AKAP13: variants seen among roughly 807,000 people sequenced by gnomAD.
AKAP13 encodes A-kinase anchoring protein 13.
AKAP13 carries 80 observed loss-of-function variants against 264.5 expected under a neutral mutation model. The observed-to-expected ratio is 0.30, with a 90% CI of 0.25 to 0.36. AKAP13 has a LOEUF of 0.36. Ranked by LOEUF, AKAP13 falls within the 10% of genes least tolerant of loss-of-function variation. The pLI is 1.00. For missense variants in AKAP13, 3,712 were observed against 3,435.2 expected (o/e 1.08, Z -2.01); for synonymous variants, 1,380 against 1,250.2 (o/e 1.10, Z -2.19).
At chr15:85,694,620 G>A (rs2085468167) in intron 17 of AKAP13, among the ~76,000 whole-genome samples, 1 of 152,200 alleles carries the variant, frequency 6.6e-6, no homozygotes, top group Non-Finnish European at 1.5e-5. Flanking sequence ...ACCATAATTT[G>A]CACGTTTTTG....
chr15:85,403,662 G>A (rs2071529053), intron 1 of AKAP13, among the ~76,000 whole-genome samples: 1 of 151,986 alleles, frequency 6.6e-6, no homozygotes, highest in Non-Finnish European at 1.5e-5. Flanking sequence ...TCAACATAGT[G>A]AAACCTTGTC....
intron 5 of AKAP13, chr15:85,555,532 T>A (rs562790214): frequency 1.7e-6 from 2 of 1,188,118 alleles, no homozygotes; most frequent in South Asian, 2.5e-5. Flanking sequence ...TTAATCTTCA[T>A]TGTTTATTCT....
At chr15:85,529,562 AATT>A (rs1272872017) in intron 3 of AKAP13, among the ~76,000 whole-genome samples, 1 of 152,186 alleles carries the variant, frequency 6.6e-6, no homozygotes. Flanking sequence ...CGCGGTGTAA[AATT>A]ATTGAGTCTG....
chr15:85,626,749 T>C (rs1301605916), intron 8 of AKAP13, among the ~76,000 whole-genome samples: 2 of 152,218 alleles, frequency 1.3e-5, no homozygotes, highest in Admixed American at 1.3e-4. Context: ...GTTCTTTGCA[T>C]GTATACCCAG....
chr15:85,626,445 T>C (rs1019546564), intron 8 of AKAP13, among the ~76,000 whole-genome samples: 1 of 128,602 alleles, frequency 7.8e-6, no homozygotes, highest in African/African-American at 2.9e-5. Flanking sequence ...TACCGTTCTA[T>C]TTTCTGTCTC....
chr15:85,624,376 C>G (rs1230744399), intron 8 of AKAP13: 2 of 152,154 alleles, frequency 1.3e-5, no homozygotes, highest in Admixed American at 6.5e-5. Context: ...GCAGGCCACA[C>G]GAGCTCATTG....
At position 85,691,787 on chromosome 15, in the gene AKAP13, A is replaced by C. The variant is rs117558723; in HGVS notation, c.5290-1490A>C. On this transcript the variant is annotated intron_variant, in intron 16 of 36. Transcript: ENST00000394518. ...CAGTGGCTGGGCACACAGGAAGCAC[A>C]AGATGAGTATCAGTTTCTGTTGCCA... 7.8e-3 allele frequency: 3,654 copies of C among 467,028 alleles called. 56 individuals are homozygous for C. Among genetic ancestry groups the C allele is most frequent in the Admixed American group, 0.035 (1,543 of 43,514 alleles). The allele number at this position is 467,028 out of a possible 1,614,324, so 28.9% of individuals were successfully genotyped here. A position where few individuals can be genotyped will look rare whatever the true frequency, so the allele number is the denominator to read the frequency against.
chr15:85,641,275 A>G (rs141122807), intron 9 of AKAP13, among the ~76,000 whole-genome samples: 2,548 of 151,480 alleles, frequency 0.017, 72 homozygotes, highest in African/African-American at 0.058. Context: ...TGAAACTCCC[A>G]TCTCTACTAA....
At chr15:85,454,580 G>A (rs1380409465) in intron 1 of AKAP13, among the ~76,000 whole-genome samples, 9 of 152,006 alleles carry the variant, frequency 5.9e-5, no homozygotes, top group Non-Finnish European at 1.0e-4. Flanking sequence ...GTTCCTCTCT[G>A]TGAGAGTCAC....
chr15:85,620,086 G>A, intron 8 of AKAP13: 2 of 1,535,988 alleles, frequency 1.3e-6, no homozygotes, highest in Non-Finnish European at 1.7e-6. Context: ...CTTGCATTTG[G>A]GCAAAATGTA....
intron 1 of AKAP13, among the ~76,000 whole-genome samples, chr15:85,461,303 A>G (rs1026137210): frequency 6.6e-6 from 1 of 151,884 alleles, no homozygotes; most frequent in Non-Finnish European, 1.5e-5. Context: ...TTTAGTAGAG[A>G]CGGGGTTTTG....
At chr15:85,497,756 A>G (rs2151084303) in intron 2 of AKAP13, among the ~76,000 whole-genome samples, 1 of 152,342 alleles carries the variant, frequency 6.6e-6, no homozygotes, top group East Asian at 1.9e-4. Context: ...TATTTCCATC[A>G]TTGCAGAAAA....
At position 85,741,072 on chromosome 15, in the gene AKAP13, C is replaced by T. The variant is rs1396719903; in HGVS notation, c.7635C>T (p.Tyr2545=). 6.2e-7 allele frequency: 1 copy of T among 1,612,606 alleles called. No homozygotes were observed. Among genetic ancestry groups the T allele is most frequent in the Non-Finnish European group, 8.5e-7 (1 of 1,179,384 alleles). The change falls in exon 35 of 37, where the codon TAC becomes TAT. Residue 2545 remains tyrosine (Y), a synonymous_variant. Transcript: ENST00000394518. ...GTGTGGTGCTGCAGCAGGACAGCTACATTGAGGACCAGAAACTGGTGCTGA... is the reference window on the plus strand; with the variant it reads ...GTGTGGTGCTGCAGCAGGACAGCTATATTGAGGACCAGAAACTGGTGCTGA... ...LQGVVLQQDS[Y]IEDQKLVLSE...
intron 1 of AKAP13, among the ~76,000 whole-genome samples, chr15:85,384,334 A>G (rs2070442339): frequency 6.6e-6 from 1 of 152,218 alleles, no homozygotes; most frequent in South Asian, 2.1e-4. Context: ...ACAGGCATCC[A>G]TTTGGAAGTA....
chr15:85,663,871 A>C (rs1195549127), intron 12 of AKAP13, among the ~76,000 whole-genome samples: 2 of 152,180 alleles, frequency 1.3e-5, no homozygotes, highest in Non-Finnish European at 2.9e-5. Flanking sequence ...CCCTTTACCA[A>C]TATCCAGGCA....
intron 1 of AKAP13, among the ~76,000 whole-genome samples, chr15:85,434,271 A>G (rs1009224046): frequency 3.1e-4 from 47 of 152,256 alleles, no homozygotes; most frequent in Middle Eastern, 3.4e-3. Flanking sequence ...ACCGGCTTAA[A>G]AAACGGCGAA....
chr15:85,601,608 T>TGTGTGTGTGTGTGTGTGTGTG (rs2080075703), intron 8 of AKAP13, among the ~76,000 whole-genome samples: 2 of 131,990 alleles, frequency 1.5e-5, no homozygotes, highest in African/African-American at 2.9e-5. Context: ...CCTGAATTCT[T>TGTGTGTGTGTGTGTGTGTGTG]TGTGTGTGTG....
At chr15:85,721,675 C>T (rs2087293213) in intron 23 of AKAP13, among the ~76,000 whole-genome samples, 1 of 152,190 alleles carries the variant, frequency 6.6e-6, no homozygotes, top group Admixed American at 6.5e-5. Flanking sequence ...CTGTTTATGA[C>T]AAATAGAAGT....
chr15:85,479,502 A>G (rs2075285735), intron 1 of AKAP13, among the ~76,000 whole-genome samples: 1 of 152,156 alleles, frequency 6.6e-6, no homozygotes, highest in East Asian at 1.9e-4. Context: ...AAAATGCTCT[A>G]TTTATACTTG....
Sources: gnomAD v4.1 joint callset for allele counts (sites outside exome capture counted in the v4.1 genomes callset) on GRCh38, gnomAD v4.1.1 for gene constraint, MANE v1.5 for transcripts, NCBI Gene and HGNC (gene_info 2026-07-23, HGNC 2026-07-21) for gene names.